COMMD5: variants seen among roughly 807,000 people sequenced by gnomAD.
COMMD5 encodes COMM domain containing 5, also known as COMM domain-containing protein 5.
COMMD5 carries 10 observed loss-of-function variants against 6.9 expected under a neutral mutation model. That is an observed-to-expected ratio of 1.44 (90% CI 0.89 to 2.45). COMMD5 has a LOEUF of 2.45. COMMD5 is among the 30% of genes most tolerant of loss of function. The probability of loss-of-function intolerance (pLI) is 0.00; values close to 1 mark genes in which losing one functional copy is unlikely to be tolerated. For missense variants in COMMD5, 234 were observed against 287.8 expected, an observed-to-expected ratio of 0.81 and a Z score of 1.35; for synonymous variants, 127 against 125.3, an observed-to-expected ratio of 1.01 and a Z score of -0.09.
chr8:144,849,712 C>A (rs1007551084), downstream of COMMD5, among the ~76,000 whole-genome samples: 1 of 152,114 alleles, frequency 6.6e-6, no homozygotes, highest in Admixed American at 6.5e-5. Flanking sequence ...CACACACCTG[C>A]CCTAGAGGCA....
At chr8:144,843,971 TCCTC>T (rs1830329798) in intron 1 of COMMD5, among the ~76,000 whole-genome samples, 1 of 152,094 alleles carries the variant, frequency 6.6e-6, no homozygotes, top group African/African-American at 2.4e-5. Context: ...CCTATCCCCT[TCCTC>T]AGAGAGGCAG....
At chr8:144,842,004 C>T in intron 1 of COMMD5, 1 of 1,614,174 alleles carries the variant, frequency 6.2e-7, no homozygotes, top group Non-Finnish European at 8.5e-7. Flanking sequence ...ATCAAAGAAT[C>T]CACACTGGGG....
downstream of COMMD5, among the ~76,000 whole-genome samples, chr8:144,847,770 CCAG>C (rs1830583134): frequency 6.6e-6 from 1 of 152,180 alleles, no homozygotes; most frequent in Admixed American, 6.5e-5. Flanking sequence ...AGGGAAATCA[CCAG>C]CAAGTTTCCA....
chr8:144,841,701 C>T lies in COMMD5; in HGVS notation c.*159G>A, dbSNP rs146614064. On this transcript the variant is annotated 3_prime_UTR_variant and NMD_transcript_variant, in exon 2 of 2. Transcript: ENST00000530332. ...GTGCGGAAGGGATGTCCCAGAGATG[C>T]GAGGAGTGTGGCAAAGGCATCAGAG... is the stretch of plus-strand genomic sequence containing the variant. 2.4e-5 allele frequency: 39 copies of T among 1,614,064 alleles called. No individual in the cohort carries two copies. The African/African-American group carries it at 3.2e-4, about 13-fold the overall frequency.
At chr8:144,846,272 C>A, downstream of COMMD5, 1 of 1,259,574 alleles carries the variant, frequency 7.9e-7, no homozygotes, top group South Asian at 1.5e-5. Flanking sequence ...CATTCTGCTT[C>A]AGCACCTGGA....
rs1289362877 is a variant in COMMD5 at position 144,851,157 on chromosome 8, C to T, written c.182G>A (p.Gly61Glu). The T allele has an allele frequency of 1.2e-6, 2 of 1,613,346 alleles. No homozygotes were observed. Among genetic ancestry groups the T allele is most frequent in the Non-Finnish European group, 1.7e-6 (2 of 1,180,038 alleles). Reference protein sequence around the residue: ...LLKFVVSSLQGEDCREAVQRL... With the variant: ...LLKFVVSSLQEEDCREAVQRL... ...CTGCACAGCCTCTCGGCAGTCCTCCCCCTGCAGGCTGCTGACCACAAACTT... is the reference window on the plus strand; with the variant it reads ...CTGCACAGCCTCTCGGCAGTCCTCCTCCTGCAGGCTGCTGACCACAAACTT... Residue 61 changes from glycine to glutamate, a missense_variant, in exon 2 of 2, where the codon GGG (glycine) becomes GAG (glutamate). Physicochemically the swap from Gly to Glu is moderately conservative, Grantham distance 98 (BLOSUM62 -2). Transcript: ENST00000305103.
At chr8:144,840,472 G>A (rs758651776), downstream of COMMD5, among the ~76,000 whole-genome samples, 1 of 152,204 alleles carries the variant, frequency 6.6e-6, no homozygotes, top group Admixed American at 6.5e-5. Context: ...GGTTGTGAAC[G>A]TGATTGTGTC....
Position 144,851,379 on chromosome 8 carries a change from G to A in COMMD5, c.-41C>T. ...TTTGATCAGCCAGCCCAGGAGGTCG[G>A]TCCCAGATGCAGATGCCTAGAGTGG... On this transcript the variant is annotated 5_prime_UTR_variant, in exon 2 of 2. Coordinates refer to ENST00000305103, the MANE Select transcript of COMMD5 (RefSeq NM_014066.4). 1 of 1,569,926 alleles carries A rather than the reference G, an allele frequency of 6.4e-7. No individual in the cohort carries two copies. Among genetic ancestry groups the A allele is most frequent in the South Asian group, 1.2e-5 (1 of 84,110 alleles).
intron 1 of COMMD5, chr8:144,852,628 G>A (rs1041470860): frequency 6.6e-6 from 1 of 152,360 alleles, no homozygotes; most frequent in African/African-American, 2.4e-5. Context: ...AGCACCAGGA[G>A]CTCCTTCCCA....
At chr8:144,838,198 T>C (rs546456486), downstream of COMMD5, 2 of 698,874 alleles carry the variant, frequency 2.9e-6, no homozygotes. Context: ...GCCTTCTCCC[T>C]GCGTGTCTGT....
rs1213426536 is a variant in COMMD5 at position 144,850,496 on chromosome 8, GCTCT to G, written c.*164_*167del. 1.3e-6 allele frequency: 1 copy of G among 761,302 alleles called. No homozygotes were observed. Among genetic ancestry groups the G allele is most frequent in the African/African-American group, 1.8e-5 (1 of 56,990 alleles). 47.2% of individuals were successfully genotyped at this position (761,302 alleles called of 1,614,324 possible). On this transcript the variant is annotated 3_prime_UTR_variant, in exon 2 of 2. Transcript: ENST00000305103. This position sits in a 1 kb window ranked among gnomAD's most constrained non-coding sequence, Gnocchi z 4.0. ...ACTTCCAAAAAGAAAAAAAGGCATA[GCTCT>G]CTTTTTCAATTAAACAGAAAACTAC...
At chr8:144,842,704 G>A in intron 1 of COMMD5, 1 of 1,614,158 alleles carries the variant, frequency 6.2e-7, no homozygotes, top group Non-Finnish European at 8.5e-7. Context: ...ATGCGGAAAA[G>A]CCTTCAGTAT....
At chr8:144,848,203 GGGTGT>G (rs1355047353), downstream of COMMD5, among the ~76,000 whole-genome samples, 1 of 151,834 alleles carries the variant, frequency 6.6e-6, no homozygotes, top group African/African-American at 2.4e-5. Flanking sequence ...AAAATTAGCC[GGGTGT>G]GGTGTGGTGT....
exon 2 of COMMD5, chr8:144,841,707 G>A (rs1829934222): frequency 6.2e-7 from 1 of 1,614,176 alleles, no homozygotes; most frequent in African/African-American, 1.3e-5. Flanking sequence ...GATGCGAGGA[G>A]TGTGGCAAAG....
intron 1 of COMMD5, chr8:144,842,957 A>C: frequency 1.2e-6 from 2 of 1,614,226 alleles, no homozygotes; most frequent in Non-Finnish European, 1.7e-6. Flanking sequence ...AATGCCCTGG[A>C]AGGGTCCACC....
chr8:144,841,405 C>T lies in COMMD5; in HGVS notation c.*455G>A, dbSNP rs1419931851. On this transcript the variant is annotated 3_prime_UTR_variant and NMD_transcript_variant, in exon 2 of 2. Transcript: ENST00000530332. ...GCAGGCCTGTGAGGACATGGACATCCTAAAATCAGAATCCTATGGGACAGT... is the reference window on the plus strand; with the variant it reads ...GCAGGCCTGTGAGGACATGGACATCTTAAAATCAGAATCCTATGGGACAGT... The T allele has an allele frequency of 3.7e-6, 6 of 1,613,312 alleles. No homozygotes were observed. The African/African-American group carries it at 5.3e-5, about 14-fold the overall frequency.
intron 1 of COMMD5, chr8:144,843,297 A>C (rs1049769003): frequency 2.1e-4 from 260 of 1,211,574 alleles, no homozygotes; most frequent in Non-Finnish European, 2.7e-4. Flanking sequence ...TCTCAAGAAT[A>C]TCCAACTTCA....
chr8:144,842,643 T>A (rs1196406759), intron 1 of COMMD5: 1 of 1,614,184 alleles, frequency 6.2e-7, no homozygotes, highest in South Asian at 1.1e-5. Flanking sequence ...GTTCCAGCCT[T>A]ATTTACCATC....
chr8:144,839,597 A>G (rs910057710), downstream of COMMD5, among the ~76,000 whole-genome samples: 23 of 152,278 alleles, frequency 1.5e-4, no homozygotes, highest in African/African-American at 5.1e-4. Context: ...ACAAAAAAAT[A>G]GAATCCCACA....
Sources: gnomAD v4.1 joint callset for allele counts (sites outside exome capture counted in the v4.1 genomes callset) on GRCh38, gnomAD v4.1.1 for gene constraint, Gnocchi (gnomAD v3.1) non-coding constraint, MANE v1.5 for transcripts, NCBI Gene and HGNC (gene_info 2026-07-23, HGNC 2026-07-21) for gene names.